The following GPD2 variants were observed in gnomAD, a reference collection of about 807,000 sequenced individuals.
GPD2 encodes glycerol-3-phosphate dehydrogenase, mitochondrial.
A neutral mutation model predicts 82.4 loss-of-function variants in GPD2; 54 were observed. The ratio of observed to expected loss-of-function variants is 0.66; its 90% confidence interval spans 0.53 to 0.82. The LOEUF is 0.82. GPD2 is among the 40% of genes least tolerant of loss of function. The probability of loss-of-function intolerance (pLI) is 0.00; values close to 1 mark genes in which losing one functional copy is unlikely to be tolerated. For missense variants in GPD2, 748 were observed against 896.2 expected (o/e 0.83, Z 2.11); for synonymous variants, 288 against 306.1 (o/e 0.94, Z 0.62).
intron 1 of GPD2, among the ~76,000 whole-genome samples, chr2:156,458,876 A>C (rs1442688745): frequency 6.6e-6 from 1 of 152,180 alleles, no homozygotes; most frequent in Non-Finnish European, 1.5e-5. Flanking sequence ...TAATGCACAC[A>C]AGGAAGAAAA....
chr2:156,546,216 C>T (rs903156224), intron 6 of GPD2, among the ~76,000 whole-genome samples: 3 of 152,106 alleles, frequency 2.0e-5, no homozygotes, highest in Non-Finnish European at 2.9e-5. Context: ...TAAAGCTATT[C>T]GGTGATTAGT....
chr2:156,529,773 G>C (rs1160366364), intron 6 of GPD2, among the ~76,000 whole-genome samples: 1 of 151,394 alleles, frequency 6.6e-6, no homozygotes, highest in Non-Finnish European at 1.5e-5. Context: ...ATTTCTGAGG[G>C]CTCTGTTCTG....
intron 8 of GPD2, among the ~76,000 whole-genome samples, chr2:156,555,290 G>A (rs1686920551): frequency 6.6e-6 from 1 of 152,068 alleles, no homozygotes; most frequent in Admixed American, 6.6e-5. Flanking sequence ...CATGTGTGTT[G>A]GTAACCATCA....
the GPD2 span, among the ~76,000 whole-genome samples, chr2:156,427,726 T>G: frequency 6.6e-6 from 1 of 152,194 alleles, no homozygotes; most frequent in Non-Finnish European, 1.5e-5. Flanking sequence ...TGCCACAAAC[T>G]TGGTTGTTAC....
intron 4 of GPD2, among the ~76,000 whole-genome samples, chr2:156,511,748 G>A (rs1377581980): frequency 1.3e-5 from 2 of 152,238 alleles, no homozygotes; most frequent in East Asian, 3.9e-4. Context: ...GGCGTAATGA[G>A]GACTACAGCA....
the GPD2 span, among the ~76,000 whole-genome samples, chr2:156,410,580 A>G: frequency 6.6e-6 from 1 of 152,202 alleles, no homozygotes; most frequent in Non-Finnish European, 1.5e-5. Context: ...TGTGTTGCCT[A>G]GGTTGATCTT....
chr2:156,562,741 C>T (rs1370882851), intron 9 of GPD2, among the ~76,000 whole-genome samples: 1 of 152,110 alleles, frequency 6.6e-6, no homozygotes, highest in Non-Finnish European at 1.5e-5. Context: ...TTGAAATAAT[C>T]ACATCATACT....
chr2:156,451,698 A>AC (rs1258495551), intron 1 of GPD2, among the ~76,000 whole-genome samples: 9 of 109,962 alleles, frequency 8.2e-5, no homozygotes, highest in East Asian at 2.9e-4. Flanking sequence ...CGGGGGGCTG[A>AC]CCCCCCCACC....
chr2:156,526,561 G>A (rs567030489), intron 6 of GPD2, among the ~76,000 whole-genome samples: 7 of 150,698 alleles, frequency 4.6e-5, no homozygotes, highest in African/African-American at 1.5e-4. Flanking sequence ...TTATATTAAT[G>A]GTGCATTTTT....
intron 1 of GPD2, among the ~76,000 whole-genome samples, chr2:156,441,497 T>C (rs1192073668): frequency 6.6e-6 from 1 of 152,200 alleles, no homozygotes; most frequent in Admixed American, 6.5e-5. Flanking sequence ...AGGTCAAGGC[T>C]GCAGTGAGCT....
intron 1 of GPD2, among the ~76,000 whole-genome samples, chr2:156,471,331 A>AAATCT (rs1683319346): frequency 6.6e-6 from 1 of 152,198 alleles, no homozygotes; most frequent in South Asian, 2.1e-4. Flanking sequence ...TGTCTTCGTA[A>AAATCT]GCTTCAACAC....
intron 13 of GPD2, among the ~76,000 whole-genome samples, chr2:156,575,252 G>A (rs1000420332): frequency 6.6e-6 from 1 of 152,046 alleles, no homozygotes; most frequent in African/African-American, 2.4e-5. Flanking sequence ...GAAACTAATG[G>A]TCTTGGCATT....
chr2:156,578,904 G>A lies in GPD2; in HGVS notation c.1783G>A (p.Ala595Thr). 1 of 1,599,204 alleles carries A rather than the reference G, an allele frequency of 6.3e-7. No individual in the cohort carries two copies. The highest frequency in any genetic ancestry group is 1.1e-5 in the South Asian group (1 of 90,764). ...DYKKQEQLET[A>T]RKFLYYEMGY... ...TCTGTTTTAGGAACAACTTGAAACA[G>A]CCAGGAAGTTTCTATATTATGAAAT... The change falls in exon 14 of 17, where the codon GCC (alanine) becomes ACC (threonine). Residue 595 changes from alanine to threonine, a missense_variant. This residue lies in a region of GPD2 where 692 missense variants were observed against 809.7 expected (regional missense o/e 0.85). Transcript: ENST00000438166.
chr2:156,495,914 A>G lies in GPD2; in HGVS notation c.103-130A>G, dbSNP rs1367090051. ...CCAAGGCAGTTGGTCCTATAACTCT[A>G]TGTGGACTGTGGACTCTCTTTAGCT... is the stretch of plus-strand genomic sequence containing the variant. On this transcript the variant is annotated intron_variant, in intron 2 of 16. Coordinates refer to ENST00000438166, the MANE Select transcript of GPD2 (RefSeq NM_000408.5). 41 of 700,530 alleles carry G rather than the reference A, an allele frequency of 5.9e-5. 1 individual carries two copies. In the South Asian group the frequency reaches 6.8e-4, roughly 12 times the overall value. The allele number at this position is 700,530 out of a possible 1,614,324, so 43.4% of individuals were successfully genotyped here. A position where few individuals can be genotyped will look rare whatever the true frequency, so the allele number is the denominator to read the frequency against.
chr2:156,454,481 C>A (rs1278088823), intron 1 of GPD2, among the ~76,000 whole-genome samples: 1 of 130,320 alleles, frequency 7.7e-6, no homozygotes. Flanking sequence ...CATAGTGAGA[C>A]CCTATCTCTA....
At chr2:156,566,849 A>G (rs1252290619) in intron 9 of GPD2, among the ~76,000 whole-genome samples, 1 of 152,024 alleles carries the variant, frequency 6.6e-6, no homozygotes, top group African/African-American at 2.4e-5. Flanking sequence ...GTTTCTCCAC[A>G]TCTTCACCAG....
intron 1 of GPD2, among the ~76,000 whole-genome samples, chr2:156,445,314 T>C (rs556193448): frequency 1.3e-5 from 2 of 152,310 alleles, no homozygotes; most frequent in East Asian, 3.9e-4. Context: ...TTAAAAACTG[T>C]TTTAAAAACA....
At chr2:156,531,514 G>A (rs1363073446) in intron 6 of GPD2, among the ~76,000 whole-genome samples, 1 of 152,198 alleles carries the variant, frequency 6.6e-6, no homozygotes, top group African/African-American at 2.4e-5. Flanking sequence ...AAAAACCGGG[G>A]TCTCTCATTT....
Position 156,487,450 on chromosome 2 carries a change from G to A in GPD2, c.103-8594G>A, listed in dbSNP as rs1228520821. 4.6e-5 allele frequency among the ~76,000 whole-genome samples: 7 copies of A among 152,344 alleles called. No individual in the cohort carries two copies. The East Asian group carries it at 1.4e-3, about 29-fold the overall frequency. On this transcript the variant is annotated intron_variant, in intron 2 of 16. Coordinates refer to ENST00000438166, the MANE Select transcript of GPD2 (RefSeq NM_000408.5). Reference sequence around the variant, plus strand: ...CCATCAACAGTTCTGCACTGCTGATGCCAGAAAGGCAGGCAGATCTAGAGG... The same window carrying A: ...CCATCAACAGTTCTGCACTGCTGATACCAGAAAGGCAGGCAGATCTAGAGG...
Sources: gnomAD v4.1 joint callset for allele counts (sites outside exome capture counted in the v4.1 genomes callset) on GRCh38, gnomAD v4.1.1 for gene constraint, gnomAD v4.1.1 regional missense constraint, MANE v1.5 for transcripts, NCBI Gene and HGNC (gene_info 2026-07-23, HGNC 2026-07-21) for gene names.